The following MYO5A variants were observed in gnomAD, a reference collection of about 807,000 sequenced individuals.
MYO5A encodes myosin VA.
MYO5A carries 98 observed loss-of-function variants against 249.7 expected under a neutral mutation model. The observed-to-expected ratio is 0.39, with a 90% CI of 0.33 to 0.46. The LOEUF (loss-of-function observed/expected upper bound fraction) is 0.46. MYO5A is among the 20% of genes least tolerant of loss of function. The pLI is 0.98. For synonymous variants in MYO5A, 778 were observed against 810.6 expected (o/e 0.96, Z 0.68); for missense variants, 1,696 against 2,308.8 (o/e 0.73, Z 5.44).
chr15:52,380,765 T>TA (rs892045441), intron 16 of MYO5A, among the ~76,000 whole-genome samples: 1 of 152,178 alleles, frequency 6.6e-6, no homozygotes, highest in Non-Finnish European at 1.5e-5. Context: ...AGACTCCGTC[T>TA]AAAAAACAAC....
intron 3 of MYO5A, among the ~76,000 whole-genome samples, chr15:52,427,832 G>A (rs1420758760): frequency 5.9e-5 from 9 of 152,062 alleles, no homozygotes; most frequent in Non-Finnish European, 1.3e-4. Context: ...AAAAAAGAAG[G>A]AAAGCTGGAG....
At chr15:52,321,534 G>A (rs202020191) in intron 37 of MYO5A, 25 bp from the exon 38 acceptor site, 423 of 1,612,462 alleles carry the variant, frequency 2.6e-4, no homozygotes, top group Non-Finnish European at 3.5e-4. Flanking sequence ...CAAAGTTAAT[G>A]ATACACATGA....
At chr15:52,378,415 G>C (rs1007057728) in intron 18 of MYO5A, among the ~76,000 whole-genome samples, 1 of 150,062 alleles carries the variant, frequency 6.7e-6, no homozygotes, top group South Asian at 2.1e-4. Context: ...CAGCTACTGG[G>C]GGGGCTGAGG....
At chr15:52,451,364 C>T (rs1724587) in intron 1 of MYO5A, among the ~76,000 whole-genome samples, 148,928 of 152,288 alleles carry the variant, frequency 0.98, 72,915 homozygotes, top group East Asian at 1. Flanking sequence ...ACTCTAATGC[C>T]AGAAATAGTT....
chr15:52,422,275 C>G (rs1382569586), intron 4 of MYO5A, among the ~76,000 whole-genome samples: 2 of 152,214 alleles, frequency 1.3e-5, no homozygotes, highest in Non-Finnish European at 2.9e-5. Flanking sequence ...CTGGTTATTG[C>G]TGATGTCACT....
At chr15:52,375,213 C>A (rs1289109228) in intron 20 of MYO5A, 91 bp downstream of exon 20, 4 of 1,362,002 alleles carry the variant, frequency 2.9e-6, no homozygotes, top group South Asian at 1.2e-5. Context: ...CAGTTCCTAC[C>A]TTCATTGTAG....
chr15:52,345,144 C>T (rs1470239039), intron 30 of MYO5A, among the ~76,000 whole-genome samples: 1 of 152,178 alleles, frequency 6.6e-6, no homozygotes. Context: ...ATAAAATTTG[C>T]ATACTATTTG....
intron 5 of MYO5A, among the ~76,000 whole-genome samples, chr15:52,413,493 C>A (rs1245998014): frequency 6.6e-6 from 1 of 151,996 alleles, no homozygotes; most frequent in Non-Finnish European, 1.5e-5. Context: ...CTCTTTAGAC[C>A]CTGGATTGTA....
intron 1 of MYO5A, among the ~76,000 whole-genome samples, chr15:52,518,264 C>CAAAAAAAAAA (rs36190580): frequency 9.3e-6 from 1 of 107,826 alleles, no homozygotes; most frequent in Non-Finnish European, 1.9e-5. Flanking sequence ...ACCCCTCCCA[C>CAAAAAAAAAA]AAAAAAAAAA....
In MYO5A at chr15:52,416,310, T is replaced by C. The variant is rs2043480415; in HGVS notation, c.456-9A>G. ...ACTGATTTCGTTCATCTCTGTAAAA[T>C]AAAAATTTTTTAAAAAGTAACTGCC... is the stretch of plus-strand genomic sequence containing the variant. On this transcript the variant is annotated splice_polypyrimidine_tract_variant and intron_variant, in intron 4 of 41. Coordinates refer to ENST00000399233, the MANE Select transcript of MYO5A (RefSeq NM_001382347.1). 3.7e-6 allele frequency: 6 copies of C among 1,613,456 alleles called. No homozygotes were observed. The East Asian group carries it at 1.1e-4, about 30-fold the overall frequency.
chr15:52,380,370 A>T (rs891209542), intron 16 of MYO5A, among the ~76,000 whole-genome samples: 17 of 152,050 alleles, frequency 1.1e-4, no homozygotes, highest in African/African-American at 3.9e-4. Context: ...TGGGAGGTAG[A>T]GGTTGCAGTG....
chr15:52,319,554 A>G (rs544928866), intron 38 of MYO5A, among the ~76,000 whole-genome samples: 1 of 152,082 alleles, frequency 6.6e-6, no homozygotes, highest in African/African-American at 2.4e-5. Context: ...AACATAAGGA[A>G]ACCCCGTCTC....
chr15:52,471,760 G>T (rs964748410), intron 1 of MYO5A, among the ~76,000 whole-genome samples: 1 of 152,146 alleles, frequency 6.6e-6, no homozygotes, highest in African/African-American at 2.4e-5. Context: ...ATGCAGTGGT[G>T]CATTCATGGC....
In MYO5A at chr15:52,428,584, G is replaced by A. The variant is rs1357257349; in HGVS notation, c.139-15C>T. Reference sequence around the variant, plus strand: ...TATTCCAAATCCTGAAAATGCACAAGGCACAGCATCTGGATGAATTATGGC... The same window carrying A: ...TATTCCAAATCCTGAAAATGCACAAAGCACAGCATCTGGATGAATTATGGC... On this transcript the variant is annotated splice_polypyrimidine_tract_variant and intron_variant, in intron 2 of 41. Coordinates refer to ENST00000399233, the MANE Select transcript of MYO5A (RefSeq NM_001382347.1). The A allele has an allele frequency of 6.2e-7, 1 of 1,613,860 alleles. No individual in the cohort carries two copies. Among genetic ancestry groups the A allele is most frequent in the Non-Finnish European group, 8.5e-7 (1 of 1,179,790 alleles).
At chr15:52,442,558 GT>G (rs1233773486) in intron 1 of MYO5A, among the ~76,000 whole-genome samples, 1 of 152,114 alleles carries the variant, frequency 6.6e-6, no homozygotes, top group Non-Finnish European at 1.5e-5. Flanking sequence ...AGCACCTTTT[GT>G]GTGCCAGTAG....
intron 1 of MYO5A, among the ~76,000 whole-genome samples, chr15:52,438,878 C>T (rs2075725240): frequency 6.6e-6 from 1 of 152,222 alleles, no homozygotes. Flanking sequence ...CTGCTGTTTG[C>T]CACTGTTACA....
Position 52,319,186 on chromosome 15 carries a change from T to G in MYO5A, c.5108A>C (p.His1703Pro), listed in dbSNP as rs775792965. 1.9e-6 allele frequency: 3 copies of G among 1,614,192 alleles called. No homozygotes were observed. The highest frequency in any genetic ancestry group is 3.3e-5 in the Admixed American group (2 of 60,024). The stretch of plus-strand genomic sequence containing the variant: ...CTTGATCAGTTCAGGGTCCATGCCA[T>G]GCTGACACATGACCGAGTGGAAGGA... ...LNSFHSVMCQ[H>P]GMDPELIKQV... Residue 1703 changes from histidine (H) to proline (P), a missense_variant, in exon 39 of 42, where the codon CAT becomes CCT. Coordinates refer to ENST00000399233, the MANE Select transcript of MYO5A (RefSeq NM_001382347.1).
At chr15:52,396,883 C>T (rs1299832933) in intron 10 of MYO5A, among the ~76,000 whole-genome samples, 1 of 151,972 alleles carries the variant, frequency 6.6e-6, no homozygotes, top group Non-Finnish European at 1.5e-5. Flanking sequence ...GACAGGTACC[C>T]AAATAAGGCA....
intron 3 of MYO5A, among the ~76,000 whole-genome samples, chr15:52,427,289 C>T (rs1008395667): frequency 1.3e-5 from 2 of 151,810 alleles, no homozygotes; most frequent in Non-Finnish European, 2.9e-5. Flanking sequence ...AACAAACAAA[C>T]AAACAAAAAA....
Sources: allele counts gnomAD v4.1 joint callset (sites outside exome capture counted in the v4.1 genomes callset), GRCh38; gene constraint gnomAD v4.1.1; transcripts MANE v1.5; gene names NCBI Gene and HGNC (gene_info 2026-07-23, HGNC 2026-07-21).